The following SEL1L3 variants were observed in gnomAD, a reference collection of about 807,000 sequenced individuals.
SEL1L3 encodes protein sel-1 homolog 3.
SEL1L3 carries 76 observed loss-of-function variants against 142.8 expected under a neutral mutation model. The observed-to-expected ratio is 0.53, with a 90% CI of 0.44 to 0.64. SEL1L3 has a LOEUF of 0.64. SEL1L3 is among the 30% of genes least tolerant of loss of function. The pLI is 0.00. For missense variants in SEL1L3, 1,262 were observed against 1,381.7 expected (o/e 0.91, Z 1.37); for synonymous variants, 504 against 519.6 (o/e 0.97, Z 0.41).
chr4:25,790,554 T>C lies in SEL1L3; in HGVS notation c.1977A>G (p.Arg659=). The C allele has an allele frequency of 6.2e-7, 1 of 1,610,850 alleles. No individual in the cohort carries two copies. Among genetic ancestry groups the C allele is most frequent in the Non-Finnish European group, 8.5e-7 (1 of 1,178,080 alleles). The change falls in exon 12 of 24, where the codon AGA becomes AGG. Residue 659 remains arginine, a synonymous_variant. Transcript: ENST00000399878. The part of the protein sequence containing the change: ...QGDQAYVETI[R]LKDDEILKVQ... ...CCTTGAGTATTTCATCATCTTTTAG[T>C]CTAATTGTTTCAACATATGCCTGAG...
Position 25,755,867 on chromosome 4 carries a change from T to C in SEL1L3, c.3259+1667A>G, listed in dbSNP as rs1043639168. 3 of 984,074 alleles carry C rather than the reference T, an allele frequency of 3.0e-6. No individual in the cohort carries two copies. In the African/African-American group the frequency reaches 5.2e-5, roughly 17 times the overall value. The allele number at this position is 984,074 out of a possible 1,614,324, so 61.0% of individuals were successfully genotyped here. A position where few individuals can be genotyped will look rare whatever the true frequency, so the allele number is the denominator to read the frequency against. On this transcript the variant is annotated intron_variant, in intron 23 of 23. Coordinates refer to ENST00000399878, the MANE Select transcript of SEL1L3 (RefSeq NM_015187.5). Reference sequence around the variant, plus strand: ...ACAGAGTAAAAATGACAAAGACAATTTGAAATGGAAAACACTGACAAGATG... The same window carrying C: ...ACAGAGTAAAAATGACAAAGACAATCTGAAATGGAAAACACTGACAAGATG...
the SEL1L3 span, among the ~76,000 whole-genome samples, chr4:25,736,213 T>TTGTG: frequency 0.054 from 7,106 of 130,592 alleles, 327 homozygotes; most frequent in East Asian, 0.11. Flanking sequence ...TGCCATAAGA[T>TTGTG]TGTGTGTCTG....
intron 23 of SEL1L3, chr4:25,756,287 G>A (rs1403010854): frequency 6.1e-6 from 6 of 985,300 alleles, no homozygotes; most frequent in East Asian, 1.1e-4. Flanking sequence ...GACCGGAGTC[G>A]TCTGTGGGTG....
chr4:25,817,998 A>C, intron 9 of SEL1L3, 140 bp downstream of exon 9: 1 of 867,954 alleles, frequency 1.2e-6, no homozygotes, highest in South Asian at 1.8e-5. Context: ...ACAAAGGCAG[A>C]ATTTAAATCT....
At chr4:25,734,154 G>A in the SEL1L3 span, among the ~76,000 whole-genome samples, 1 of 152,126 alleles carries the variant, frequency 6.6e-6, no homozygotes, top group Non-Finnish European at 1.5e-5. Flanking sequence ...CTCCAGAGTA[G>A]CTGGGATTAT....
In SEL1L3 at chr4:25,785,724, G is replaced by A. The variant is rs534171882; in HGVS notation, c.2218-1434C>T. Among the ~76,000 whole-genome samples, 9 of 152,260 alleles carry A rather than the reference G, an allele frequency of 5.9e-5. No homozygotes were observed. The East Asian group carries it at 1.3e-3, about 23-fold the overall frequency. ...GAAGGACACTTGGAGTAACTGGAGA[G>A]GGGAGGAGACAAGCTTTCTGGACTT... On this transcript the variant is annotated intron_variant, in intron 13 of 23. Transcript: ENST00000399878.
chr4:25,823,397 C>T (rs1714893136), intron 6 of SEL1L3, among the ~76,000 whole-genome samples: 1 of 152,024 alleles, frequency 6.6e-6, no homozygotes, highest in Non-Finnish European at 1.5e-5. Context: ...TGCCTGTAAT[C>T]CAGCTACTCA....
chr4:25,740,200 G>C, the SEL1L3 span, among the ~76,000 whole-genome samples: 2 of 151,818 alleles, frequency 1.3e-5, no homozygotes, highest in Non-Finnish European at 2.9e-5. Context: ...TTGGGAGGCT[G>C]AGGCGGGTGG....
chr4:25,859,132 A>G (rs544310285), intron 1 of SEL1L3, among the ~76,000 whole-genome samples: 2 of 152,372 alleles, frequency 1.3e-5, no homozygotes, highest in South Asian at 2.1e-4. Context: ...CCAAGTTGGA[A>G]GAAGGTAAGA....
At chr4:25,798,141 C>T (rs1182546517) in intron 11 of SEL1L3, among the ~76,000 whole-genome samples, 1 of 152,158 alleles carries the variant, frequency 6.6e-6, no homozygotes, top group Non-Finnish European at 1.5e-5. Context: ...ACGTCTCATA[C>T]GGCATCCGAT....
chr4:25,808,617 A>AG (rs1713765684), intron 9 of SEL1L3, among the ~76,000 whole-genome samples: 1 of 152,180 alleles, frequency 6.6e-6, no homozygotes, highest in African/African-American at 2.4e-5. Flanking sequence ...GAAGTTTGAA[A>AG]GGGGAAAAAA....
chr4:25,807,060 G>A (rs1049030537), intron 9 of SEL1L3, among the ~76,000 whole-genome samples: 4 of 152,026 alleles, frequency 2.6e-5, no homozygotes, highest in African/African-American at 7.2e-5. Context: ...CCAAAATGGC[G>A]TATTATGCCA....
chr4:25,790,445 G>A lies in SEL1L3; in HGVS notation c.2076+10C>T, dbSNP rs146514447. The A allele has an allele frequency of 7.4e-6, 12 of 1,613,484 alleles. No individual in the cohort carries two copies. The highest frequency in any genetic ancestry group is 1.6e-4 in the Middle Eastern group (1 of 6,062). On this transcript the variant is annotated intron_variant, in intron 12 of 23. Transcript: ENST00000399878. ...GACAGAATCCCCAAGACAGTAGCCTGCGTTTTTACCTGAGCTGCTGCATTG... is the reference window on the plus strand; with the variant it reads ...GACAGAATCCCCAAGACAGTAGCCTACGTTTTTACCTGAGCTGCTGCATTG...
chr4:25,807,880 G>C (rs1713707787), intron 9 of SEL1L3, among the ~76,000 whole-genome samples: 1 of 152,112 alleles, frequency 6.6e-6, no homozygotes, highest in South Asian at 2.1e-4. Flanking sequence ...CAGTTTGAAA[G>C]GGCTGTGTTA....
chr4:25,744,858 C>T (rs2109100924), downstream of SEL1L3, among the ~76,000 whole-genome samples: 1 of 152,304 alleles, frequency 6.6e-6, no homozygotes, highest in East Asian at 1.9e-4. Flanking sequence ...CATCTACAAG[C>T]CAAGGAGAGA....
intron 23 of SEL1L3, chr4:25,756,707 G>A (rs1717985632): frequency 1.8e-6 from 2 of 1,098,076 alleles, no homozygotes; most frequent in African/African-American, 1.6e-5. Flanking sequence ...ACAATGATTA[G>A]TGGAAACCAT....
intron 15 of SEL1L3, among the ~76,000 whole-genome samples, 152 bp downstream of exon 15, chr4:25,782,090 T>C (rs1039701757): frequency 1.3e-5 from 2 of 152,194 alleles, no homozygotes; most frequent in Non-Finnish European, 2.9e-5. Context: ...CCCTTTCCTC[T>C]TCACTATCTT....
chr4:25,781,015 G>C lies in SEL1L3; in HGVS notation c.2457+1227C>G, dbSNP rs1313635935. Among the ~76,000 whole-genome samples, 4 of 151,208 alleles carry C rather than the reference G, an allele frequency of 2.6e-5. No homozygotes were observed. In the South Asian group the frequency reaches 6.3e-4, roughly 24 times the overall value. ...TAATTTCTGTATTTTTAGTGATGAGGGTTTGTATTTTTAGAGACGGAGTTT... is the reference window on the plus strand; with the variant it reads ...TAATTTCTGTATTTTTAGTGATGAGCGTTTGTATTTTTAGAGACGGAGTTT... On this transcript the variant is annotated intron_variant, in intron 15 of 23. Coordinates refer to ENST00000399878, the MANE Select transcript of SEL1L3 (RefSeq NM_015187.5).
At chr4:25,807,345 C>T (rs1043975986) in intron 9 of SEL1L3, among the ~76,000 whole-genome samples, 4 of 152,168 alleles carry the variant, frequency 2.6e-5, no homozygotes, top group Non-Finnish European at 5.9e-5. Context: ...CCCTTTTCAC[C>T]AGCAGCCTGC....
Sources: allele counts gnomAD v4.1 joint callset (sites outside exome capture counted in the v4.1 genomes callset), GRCh38; gene constraint gnomAD v4.1.1; transcripts MANE v1.5; gene names NCBI Gene and HGNC (gene_info 2026-07-23, HGNC 2026-07-21).